Variants in WWOX observed in about 807,000 individuals in gnomAD.
The protein encoded by WWOX is WW domain containing oxidoreductase.
A neutral mutation model predicts 46.2 loss-of-function variants in WWOX; 69 were observed. The ratio of observed to expected loss-of-function variants is 1.49; its 90% CI spans 1.23 to 1.82. The LOEUF (loss-of-function observed/expected upper bound fraction) is 1.82, where lower values mean the gene tolerates loss of function less well. Among genes scored for constraint, WWOX ranks in the 40% most tolerant of loss-of-function variants. WWOX has a pLI of 0.00. For synonymous variants in WWOX, 359 were observed against 202.6 expected (o/e 1.77, Z -6.56); for missense variants, 919 against 542.6 (o/e 1.69, Z -6.89).
chr16:78,819,282 T>G (rs915460283), intron 8 of WWOX, among the ~76,000 whole-genome samples: 13 of 152,090 alleles, frequency 8.5e-5, no homozygotes, highest in African/African-American at 3.1e-4. Flanking sequence ...GAGGCAAGAC[T>G]CAACTCCATA....
intron 6 of WWOX, among the ~76,000 whole-genome samples, chr16:78,389,561 T>G (rs1386414841): frequency 1.3e-5 from 2 of 152,122 alleles, no homozygotes; most frequent in Admixed American, 6.5e-5. Context: ...GCATGTATGT[T>G]TTGATTCAAT....
chr16:78,709,843 C>T (rs139485897), intron 8 of WWOX, among the ~76,000 whole-genome samples: 130 of 152,046 alleles, frequency 8.6e-4, no homozygotes, highest in Middle Eastern at 3.4e-3. Flanking sequence ...ATTCTCCTGC[C>T]TGAGCCTCCC....
At chr16:78,879,528 G>C (rs78114401) in intron 8 of WWOX, among the ~76,000 whole-genome samples, 1,685 of 151,886 alleles carry the variant, frequency 0.011, 19 homozygotes, top group Non-Finnish European at 0.015. Flanking sequence ...TTTGGCCTTT[G>C]GCCTCGTGAC....
intron 8 of WWOX, among the ~76,000 whole-genome samples, chr16:79,210,921 C>G (rs182466116): frequency 1.3e-5 from 2 of 152,140 alleles, no homozygotes; most frequent in Non-Finnish European, 2.9e-5. Context: ...ACCCCCTTAC[C>G]TGTGGTCCCA....
intron 8 of WWOX, among the ~76,000 whole-genome samples, chr16:78,674,506 A>G (rs1017344451): frequency 5.9e-5 from 9 of 152,050 alleles, no homozygotes; most frequent in African/African-American, 2.2e-4. Context: ...GCTGGTCTCA[A>G]ACTCCTGACG....
chr16:78,877,191 A>G (rs936345231), intron 8 of WWOX, among the ~76,000 whole-genome samples: 3 of 152,182 alleles, frequency 2.0e-5, no homozygotes, highest in Admixed American at 2.0e-4. Context: ...TATTTCATCC[A>G]TCTAAGACTT....
intron 5 of WWOX, among the ~76,000 whole-genome samples, chr16:78,363,469 G>C (rs2081458346): frequency 6.6e-6 from 1 of 151,900 alleles, no homozygotes; most frequent in South Asian, 2.1e-4. Context: ...TGTAGTGACA[G>C]TGTCTTGCTG....
At chr16:78,381,951 G>A (rs2081965251) in intron 5 of WWOX, among the ~76,000 whole-genome samples, 2 of 152,120 alleles carry the variant, frequency 1.3e-5, no homozygotes, top group South Asian at 4.1e-4. Context: ...CGGCAGCCTC[G>A]ACTTTCCAGG....
chr16:78,925,153 C>T (rs1329349470), intron 8 of WWOX, among the ~76,000 whole-genome samples: 1 of 152,148 alleles, frequency 6.6e-6, no homozygotes, highest in Non-Finnish European at 1.5e-5. Flanking sequence ...AATGATATTG[C>T]CACTGCACTC....
chr16:79,152,337 G>T (rs921310609), intron 8 of WWOX, among the ~76,000 whole-genome samples: 1 of 152,134 alleles, frequency 6.6e-6, no homozygotes, highest in African/African-American at 2.4e-5. Flanking sequence ...TGGAAGAGGA[G>T]TCTGGGGTGA....
At chr16:79,121,771 GC>G (rs2049637121) in intron 8 of WWOX, among the ~76,000 whole-genome samples, 1 of 152,140 alleles carries the variant, frequency 6.6e-6, no homozygotes, top group African/African-American at 2.4e-5. Context: ...CTAGGTTAGT[GC>G]CAGATAAGGT....
intron 8 of WWOX, among the ~76,000 whole-genome samples, chr16:78,989,486 C>T (rs976027059): frequency 5.9e-5 from 9 of 152,136 alleles, no homozygotes; most frequent in African/African-American, 1.4e-4. Flanking sequence ...CTGTCCATAG[C>T]GCCCATGGCT....
At position 78,989,127 on chromosome 16, in the gene WWOX, A is replaced by G. The variant is rs1180810843; in HGVS notation, c.1057-222481A>G. Reference sequence around the variant, plus strand: ...GTCCTTAATTACTAAAATTATCAGCATATTTAGAGTTCTGAAGATGCTGAA... The same window carrying G: ...GTCCTTAATTACTAAAATTATCAGCGTATTTAGAGTTCTGAAGATGCTGAA... On this transcript the variant is annotated intron_variant, in intron 8 of 8. Coordinates refer to ENST00000566780, the MANE Select transcript of WWOX (RefSeq NM_016373.4). Among the ~76,000 whole-genome samples, 3 of 152,082 alleles carry G rather than the reference A, an allele frequency of 2.0e-5. No homozygotes were observed. The East Asian group carries it at 5.8e-4, about 29-fold the overall frequency.
intron 8 of WWOX, among the ~76,000 whole-genome samples, chr16:78,602,998 G>A (rs2045659472): frequency 1.3e-5 from 2 of 152,180 alleles, no homozygotes; most frequent in African/African-American, 4.8e-5. Context: ...TCAACAAAAT[G>A]TAATACTCCA....
At chr16:78,757,325 T>TACCCCAGCACCCCAGC in intron 8 of WWOX, among the ~76,000 whole-genome samples, 1 of 151,158 alleles carries the variant, frequency 6.6e-6, no homozygotes, top group East Asian at 2.0e-4. Flanking sequence ...TCTTACCACC[T>TACCCCAGCACCCCAGC]ACCCCAGCAC....
At position 78,102,683 on chromosome 16, in the gene WWOX, T is replaced by G. The variant is rs931953802; in HGVS notation, c.107+2798T>G. On this transcript the variant is annotated intron_variant, in intron 1 of 8. Transcript: ENST00000566780. Reference sequence around the variant, plus strand: ...CCCCTCGACCTTGTACTAGTCACCTTGTTTCTCTGCTTCTTCGTGCTTAGC... The same window carrying G: ...CCCCTCGACCTTGTACTAGTCACCTGGTTTCTCTGCTTCTTCGTGCTTAGC... Among the ~76,000 whole-genome samples the G allele has an allele frequency of 2.6e-5, 4 of 152,194 alleles. No individual in the cohort carries two copies. In the East Asian group the frequency reaches 7.7e-4, roughly 29 times the overall value.
chr16:78,576,966 A>G (rs1181523956), intron 8 of WWOX, among the ~76,000 whole-genome samples: 1 of 152,002 alleles, frequency 6.6e-6, no homozygotes, highest in East Asian at 1.9e-4. Context: ...TCCCATCTTC[A>G]CTCCATGTAA....
intron 8 of WWOX, among the ~76,000 whole-genome samples, chr16:78,590,174 G>A (rs2045318832): frequency 1.3e-5 from 1 of 77,184 alleles, no homozygotes; most frequent in Admixed American, 1.2e-4. Flanking sequence ...GTTTATTATA[G>A]ATAGAAATAA....
intron 8 of WWOX, among the ~76,000 whole-genome samples, chr16:79,087,628 A>T (rs1363508483): frequency 6.6e-6 from 1 of 152,174 alleles, no homozygotes; most frequent in Non-Finnish European, 1.5e-5. Flanking sequence ...GCAGAGAAGA[A>T]TTACCTGCCG....
Sources: gnomAD v4.1 joint callset for allele counts (sites outside exome capture counted in the v4.1 genomes callset) on GRCh38, gnomAD v4.1.1 for gene constraint, MANE v1.5 for transcripts, NCBI Gene and HGNC (gene_info 2026-07-23, HGNC 2026-07-21) for gene names.